The following LOC128092253 variants were observed in gnomAD, a reference collection of about 807,000 sequenced individuals.
At chr6:133,961,831 C>G in the LOC128092253 span, among the ~76,000 whole-genome samples, 1 of 152,162 alleles carries the variant, frequency 6.6e-6, no homozygotes, top group African/African-American at 2.4e-5. Flanking sequence ...TGAAGTTTCT[C>G]TTTCATTATC....
chr6:133,973,443 G>T, the LOC128092253 span, among the ~76,000 whole-genome samples: 1 of 152,116 alleles, frequency 6.6e-6, no homozygotes, highest in South Asian at 2.1e-4. Flanking sequence ...CTTTCAATTA[G>T]ATTTTAGATT....
the LOC128092253 span, among the ~76,000 whole-genome samples, chr6:133,955,384 C>T: frequency 2.3e-4 from 35 of 152,030 alleles, no homozygotes; most frequent in African/African-American, 7.7e-4. Flanking sequence ...TTTTCTTAAT[C>T]ATGTCCCAAT....
chr6:133,972,607 A>C, the LOC128092253 span, among the ~76,000 whole-genome samples: 3 of 152,306 alleles, frequency 2.0e-5, no homozygotes, highest in East Asian at 3.9e-4. Context: ...GTTCCAATAA[A>C]ACTTTTGCAA....
the LOC128092253 span, among the ~76,000 whole-genome samples, chr6:133,969,572 G>A: frequency 1.3e-5 from 2 of 152,132 alleles, no homozygotes; most frequent in African/African-American, 2.4e-5. Context: ...TTTTACGGGT[G>A]GTAAAATATA....
the LOC128092253 span, among the ~76,000 whole-genome samples, chr6:133,961,628 C>T: frequency 6.6e-6 from 1 of 151,844 alleles, no homozygotes; most frequent in Admixed American, 6.6e-5. Context: ...TCACCATGCC[C>T]GACTAGTTTT....
chr6:133,961,836 A>G, the LOC128092253 span, among the ~76,000 whole-genome samples: 1 of 152,154 alleles, frequency 6.6e-6, no homozygotes, highest in African/African-American at 2.4e-5. Flanking sequence ...TTTCTCTTTC[A>G]TTATCTCGTT....
chr6:133,968,223 G>A, the LOC128092253 span, among the ~76,000 whole-genome samples: 3 of 151,898 alleles, frequency 2.0e-5, no homozygotes, highest in Admixed American at 6.5e-5. Context: ...TCTTGACCTC[G>A]TGATCCACCT....
the LOC128092253 span, among the ~76,000 whole-genome samples, chr6:133,971,375 C>T: frequency 6.6e-6 from 1 of 152,114 alleles, no homozygotes; most frequent in Non-Finnish European, 1.5e-5. Context: ...CAGTAAATAG[C>T]GAAGTATAGA....
chr6:133,955,169 CAT>C, the LOC128092253 span, among the ~76,000 whole-genome samples: 47 of 150,876 alleles, frequency 3.1e-4, no homozygotes, highest in Admixed American at 4.0e-4. Flanking sequence ...TATCTTTGTG[CAT>C]ATGAGACTTG....
At chr6:133,964,606 C>T in the LOC128092253 span, among the ~76,000 whole-genome samples, 7 of 151,894 alleles carry the variant, frequency 4.6e-5, no homozygotes, top group Admixed American at 3.9e-4. Flanking sequence ...CCTGCCACCA[C>T]TCCAGGCTAA....
the LOC128092253 span, among the ~76,000 whole-genome samples, chr6:133,968,202 T>A: frequency 1.3e-5 from 2 of 152,134 alleles, no homozygotes; most frequent in South Asian, 4.1e-4. Context: ...TTAGCCAGGA[T>A]GATCTCGATC....
At chr6:133,976,290 G>A in the LOC128092253 span, among the ~76,000 whole-genome samples, 1 of 152,188 alleles carries the variant, frequency 6.6e-6, no homozygotes, top group Admixed American at 6.5e-5. Flanking sequence ...TGAAATGTTC[G>A]ATTTCATAGC....
At chr6:133,973,238 T>C in the LOC128092253 span, among the ~76,000 whole-genome samples, 1 of 152,192 alleles carries the variant, frequency 6.6e-6, no homozygotes, top group African/African-American at 2.4e-5. Context: ...TAGGAGACCA[T>C]GTGGGTTCCT....
At chr6:133,961,533 A>G in the LOC128092253 span, among the ~76,000 whole-genome samples, 1 of 143,706 alleles carries the variant, frequency 7.0e-6, no homozygotes, top group African/African-American at 2.6e-5. Flanking sequence ...CAGTGGTGCA[A>G]TCTCGGCTCA....
the LOC128092253 span, among the ~76,000 whole-genome samples, chr6:133,954,416 T>C: frequency 6.6e-6 from 1 of 152,362 alleles, no homozygotes; most frequent in Non-Finnish European, 1.5e-5. Context: ...TCGCAGTCTC[T>C]TTGAGAAAAT....
chr6:133,964,083 C>T, the LOC128092253 span, among the ~76,000 whole-genome samples: 3 of 152,074 alleles, frequency 2.0e-5, no homozygotes, highest in African/African-American at 7.2e-5. Context: ...TTCCTTATCA[C>T]TCTTGTGTGT....
the LOC128092253 span, among the ~76,000 whole-genome samples, chr6:133,971,190 G>A: frequency 6.6e-6 from 1 of 151,446 alleles, no homozygotes; most frequent in East Asian, 1.9e-4. Flanking sequence ...AGATCATGAG[G>A]AATTTGTCTT....
the LOC128092253 span, among the ~76,000 whole-genome samples, chr6:133,958,454 C>T: frequency 1.3e-5 from 2 of 152,228 alleles, no homozygotes; most frequent in East Asian, 3.9e-4. Flanking sequence ...ATTCAGGTGG[C>T]TCAAGAATGA....
chr6:133,963,449 T>C, the LOC128092253 span, among the ~76,000 whole-genome samples: 3 of 152,158 alleles, frequency 2.0e-5, no homozygotes, highest in African/African-American at 7.2e-5. Context: ...GTTTAAGACA[T>C]AGTCTCACTC....
Sources: gnomAD v4.1 joint callset for allele counts (sites outside exome capture counted in the v4.1 genomes callset) on GRCh38, gnomAD v4.1.1 for gene constraint, MANE v1.5 for transcripts.